CFDP1: variants seen among roughly 807,000 people sequenced by gnomAD.
CFDP1 encodes chromatin remodeling protein CFDP1, also known as heterochromatin-stabilizing protein CFDP1.
A neutral mutation model predicts 40.1 loss-of-function variants in CFDP1; 31 were observed. The observed-to-expected ratio is 0.77, with a 90% CI of 0.58 to 1.04. The LOEUF is 1.04. Ranked by LOEUF, CFDP1 falls within the 50% of genes least tolerant of loss-of-function variation. The probability of loss-of-function intolerance (pLI) is 0.00; values close to 1 mark genes in which losing one functional copy is unlikely to be tolerated. For missense variants in CFDP1, 423 were observed against 343.4 expected, an observed-to-expected ratio of 1.23 and a Z score of -1.83; for synonymous variants, 167 against 120.0, an observed-to-expected ratio of 1.39 and a Z score of -2.56.
At chr16:75,359,268 A>G (rs1392994727) in intron 5 of CFDP1, among the ~76,000 whole-genome samples, 2 of 152,204 alleles carry the variant, frequency 1.3e-5, no homozygotes, top group Non-Finnish European at 2.9e-5. Flanking sequence ...TAACCCAGTC[A>G]ATAATTTTGA....
chr16:75,313,912 C>A (rs1336878304), intron 5 of CFDP1, among the ~76,000 whole-genome samples: 8 of 151,604 alleles, frequency 5.3e-5, no homozygotes, highest in South Asian at 2.1e-4. Context: ...TTAGACGGAG[C>A]CTTGCTCTGT....
At chr16:75,344,470 C>T (rs1016270317) in intron 5 of CFDP1, among the ~76,000 whole-genome samples, 10 of 152,122 alleles carry the variant, frequency 6.6e-5, no homozygotes, top group African/African-American at 1.9e-4. Flanking sequence ...TGGTACAATT[C>T]GTGACTGAAC....
chr16:75,364,043 G>A (rs1348429939), intron 5 of CFDP1, among the ~76,000 whole-genome samples: 1 of 151,216 alleles, frequency 6.6e-6, no homozygotes, highest in Non-Finnish European at 1.5e-5. Flanking sequence ...CATACTAGTG[G>A]GAACCTAATT....
At chr16:75,422,298 G>A (rs2079289429) in intron 1 of CFDP1, among the ~76,000 whole-genome samples, 1 of 151,560 alleles carries the variant, frequency 6.6e-6, no homozygotes, top group Non-Finnish European at 1.5e-5. Flanking sequence ...GGGTTTCACC[G>A]TGTTGCCAGG....
intron 5 of CFDP1, among the ~76,000 whole-genome samples, chr16:75,386,643 T>C (rs980030117): frequency 6.6e-6 from 1 of 152,174 alleles, no homozygotes; most frequent in African/African-American, 2.4e-5. Context: ...GAGCATCACT[T>C]GAACCTGGGA....
chr16:75,319,069 G>A (rs573055147), intron 5 of CFDP1, among the ~76,000 whole-genome samples: 2 of 152,142 alleles, frequency 1.3e-5, no homozygotes, highest in Non-Finnish European at 2.9e-5. Flanking sequence ...ATTTTTTTGA[G>A]ATGAAGTTTC....
At chr16:75,421,782 CAG>C (rs1567682129) in intron 1 of CFDP1, among the ~76,000 whole-genome samples, 3 of 152,178 alleles carry the variant, frequency 2.0e-5, no homozygotes. Flanking sequence ...CTCATAAACA[CAG>C]ATGCAAAAAT....
intron 4 of CFDP1, among the ~76,000 whole-genome samples, chr16:75,400,055 C>G (rs111560531): frequency 0.016 from 2,307 of 140,052 alleles, 17 homozygotes; most frequent in Non-Finnish European, 0.025. Context: ...GAGCCGAGAT[C>G]GTGCCATTGC....
At chr16:75,315,576 A>G (rs560193246) in intron 5 of CFDP1, among the ~76,000 whole-genome samples, 1 of 152,280 alleles carries the variant, frequency 6.6e-6, no homozygotes, top group East Asian at 1.9e-4. Flanking sequence ...CCAACTTTAT[A>G]GTTTGAAAAA....
intron 5 of CFDP1, chr16:75,372,398 A>G (rs1004390368): frequency 1.3e-5 from 2 of 152,196 alleles, no homozygotes; most frequent in Non-Finnish European, 2.9e-5. Context: ...AGGAGTGCTG[A>G]CCAGCCTCAA....
intron 1 of CFDP1, among the ~76,000 whole-genome samples, chr16:75,429,051 A>T (rs1056223368): frequency 6.6e-6 from 1 of 151,932 alleles, no homozygotes; most frequent in Non-Finnish European, 1.5e-5. Flanking sequence ...CGGGAAGTGG[A>T]GGTTGCAGGG....
intron 4 of CFDP1, among the ~76,000 whole-genome samples, chr16:75,411,226 C>A (rs1044758210): frequency 1.3e-5 from 2 of 151,376 alleles, no homozygotes; most frequent in Non-Finnish European, 2.9e-5. Flanking sequence ...TAAAAAAAAA[C>A]AAAAACAAAA....
At chr16:75,328,990 G>A (rs534679433) in intron 5 of CFDP1, among the ~76,000 whole-genome samples, 2 of 152,112 alleles carry the variant, frequency 1.3e-5, no homozygotes, top group South Asian at 4.2e-4. Context: ...GGGACTACAG[G>A]CATGCGCCAC....
At chr16:75,420,850 T>A (rs2079270827) in intron 1 of CFDP1, among the ~76,000 whole-genome samples, 1 of 152,234 alleles carries the variant, frequency 6.6e-6, no homozygotes, top group Non-Finnish European at 1.5e-5. Flanking sequence ...CTATTTTTTT[T>A]ATTTTTAAGT....
chr16:75,429,823 G>A (rs932325087), intron 1 of CFDP1, among the ~76,000 whole-genome samples: 5 of 152,088 alleles, frequency 3.3e-5, no homozygotes, highest in African/African-American at 7.2e-5. Flanking sequence ...TAGCAGTGTC[G>A]ACGAAAAGAG....
In CFDP1 at chr16:75,366,699, C is replaced by G. The variant is rs118106507; in HGVS notation, c.650+28391G>C. 2.0e-5 allele frequency among the ~76,000 whole-genome samples: 3 copies of G among 152,196 alleles called. No homozygotes were observed. In the East Asian group the frequency reaches 5.8e-4, roughly 29 times the overall value. Reference sequence around the variant, plus strand: ...AAGACTATGTAGTGAAATTTCCAGACAAGGCAAATCTACGGAGACAGAAAG... The same window carrying G: ...AAGACTATGTAGTGAAATTTCCAGAGAAGGCAAATCTACGGAGACAGAAAG... On this transcript the variant is annotated intron_variant, in intron 5 of 6. Coordinates refer to ENST00000283882, the MANE Select transcript of CFDP1 (RefSeq NM_006324.3).
At chr16:75,306,082 C>A (rs554767744) in intron 5 of CFDP1, among the ~76,000 whole-genome samples, 1 of 152,214 alleles carries the variant, frequency 6.6e-6, no homozygotes, top group East Asian at 1.9e-4. Context: ...GAAACGAAAT[C>A]ATCTACCAGC....
chr16:75,412,781 G>C, intron 2 of CFDP1, 27 bp from the exon 3 acceptor site: 1 of 1,580,850 alleles, frequency 6.3e-7, no homozygotes, highest in African/African-American at 1.3e-5. Context: ...ACAGGAAAAA[G>C]GAAAGACAGC....
At chr16:75,397,581 T>A (rs1232007825) in intron 4 of CFDP1, among the ~76,000 whole-genome samples, 1 of 143,384 alleles carries the variant, frequency 7.0e-6, no homozygotes, top group African/African-American at 2.6e-5. Context: ...GGCGGGCAGA[T>A]TATGAGGTCA....
Sources: allele counts gnomAD v4.1 joint callset (sites outside exome capture counted in the v4.1 genomes callset), GRCh38; gene constraint gnomAD v4.1.1; transcripts MANE v1.5; gene names NCBI Gene and HGNC (gene_info 2026-07-23, HGNC 2026-07-21).